The following DERA variants were observed in gnomAD, a reference collection of about 807,000 sequenced individuals.
The protein encoded by DERA is 2-deoxy-D-ribose 5-phosphate aldolase.
In DERA, 15 loss-of-function variants were observed where a neutral mutation model predicts 41.1. That is an observed-to-expected ratio of 0.37 (90% confidence interval 0.24 to 0.56). The LOEUF (loss-of-function observed/expected upper bound fraction) is 0.56, where lower values mean the gene tolerates loss of function less well. Among genes scored for constraint, DERA ranks in the 20% least tolerant of loss-of-function variants. DERA has a pLI of 0.81. For synonymous variants in DERA, 139 were observed against 137.4 expected (o/e 1.01, Z -0.08); for missense variants, 396 against 403.4 (o/e 0.98, Z 0.16).
Position 15,936,835 on chromosome 12 carries a change from C to A in DERA, c.32-20101C>A, listed in dbSNP as rs568881659. Reference sequence around the variant, plus strand: ...AGTGATGTCATTTAACTTATTTCTGCATCTTCTGTCTTGTGTTGTCTTGTC... The same window carrying A: ...AGTGATGTCATTTAACTTATTTCTGAATCTTCTGTCTTGTGTTGTCTTGTC... On this transcript the variant is annotated intron_variant, in intron 1 of 8. Transcript: ENST00000428559. This position sits in a 1 kb window ranked among gnomAD's most constrained non-coding sequence, Gnocchi z 4.6. Among the ~76,000 whole-genome samples the A allele has an allele frequency of 6.6e-6, 1 of 151,130 alleles. No individual in the cohort carries two copies. The highest frequency in any genetic ancestry group is 2.1e-4 in the South Asian group (1 of 4,750).
At chr12:15,953,041 C>G (rs1948510233) in intron 1 of DERA, among the ~76,000 whole-genome samples, 1 of 152,124 alleles carries the variant, frequency 6.6e-6, no homozygotes, top group Non-Finnish European at 1.5e-5. Flanking sequence ...TGGCCTCTAC[C>G]CACTAGATAC....
In DERA at chr12:16,021,701, A is replaced by T. The variant is rs1949018034; in HGVS notation, c.638-10841A>T. Among the ~76,000 whole-genome samples, 1 of 152,198 alleles carries T rather than the reference A, an allele frequency of 6.6e-6. No homozygotes were observed. Among genetic ancestry groups the T allele is most frequent in the Non-Finnish European group, 1.5e-5 (1 of 68,038 alleles). ...AGTGTGCCCTGGATGCAGGACATGG[A>T]GTCAAAGGAGATTATTTTGGAGCTT... On this transcript the variant is annotated intron_variant, in intron 6 of 8. Coordinates refer to ENST00000428559, the MANE Select transcript of DERA (RefSeq NM_015954.4). The surrounding 1 kb of genome is among the most constrained non-coding windows in gnomAD (Gnocchi z 5.3).
rs944113347 is a variant in DERA, at chr12:15,970,515, G to C, written c.508+7568G>C. Among the ~76,000 whole-genome samples, 1 of 152,128 alleles carries C rather than the reference G, an allele frequency of 6.6e-6. No individual in the cohort carries two copies. The highest frequency in any genetic ancestry group is 2.4e-5 in the African/African-American group (1 of 41,440). Reference sequence around the variant, plus strand: ...ATACCGTCCTTTCAGGTGGATCCTAGAGAGAAGAAAGTTAATTTTATTTAT... The same window carrying C: ...ATACCGTCCTTTCAGGTGGATCCTACAGAGAAGAAAGTTAATTTTATTTAT... On this transcript the variant is annotated intron_variant, in intron 5 of 8. Transcript: ENST00000428559. This position sits in a 1 kb window ranked among gnomAD's most constrained non-coding sequence, Gnocchi z 4.3.
intron 1 of DERA, among the ~76,000 whole-genome samples, chr12:15,945,617 A>G (rs2136138959): frequency 6.6e-6 from 1 of 152,268 alleles, no homozygotes; most frequent in Non-Finnish European, 1.5e-5. Flanking sequence ...CAGCTTAAGG[A>G]GATTTGGGGT....
At chr12:16,030,494 T>C (rs573599179) in intron 6 of DERA, among the ~76,000 whole-genome samples, 18 of 152,340 alleles carry the variant, frequency 1.2e-4, no homozygotes, top group Non-Finnish European at 1.8e-4. Flanking sequence ...TCTGTTCATC[T>C]ATGCATTTAT....
intron 7 of DERA, among the ~76,000 whole-genome samples, chr12:16,033,900 C>T (rs1335674414): frequency 2.6e-5 from 4 of 152,068 alleles, no homozygotes; most frequent in Non-Finnish European, 5.9e-5. Context: ...CATGAGAAAG[C>T]TGACCCAACT....
intron 1 of DERA, among the ~76,000 whole-genome samples, chr12:15,942,292 A>G (rs983416981): frequency 2.0e-5 from 3 of 151,740 alleles, no homozygotes; most frequent in Non-Finnish European, 4.4e-5. Flanking sequence ...GTTTGCGAAT[A>G]TTTACTCCCA....
rs1340950420 is a variant in DERA at position 16,004,947 on chromosome 12, C to T, written c.637+22511C>T. Among the ~76,000 whole-genome samples the T allele has an allele frequency of 1.3e-5, 2 of 152,060 alleles. No homozygotes were observed. ...TTTAAGAGTTAGAGTCTGTGAATAA[C>T]TAGATAAAGAAGAAACAGAGCAACT... On this transcript the variant is annotated intron_variant, in intron 6 of 8. Coordinates refer to ENST00000428559, the MANE Select transcript of DERA (RefSeq NM_015954.4). The surrounding 1 kb of genome is among the most constrained non-coding windows in gnomAD (Gnocchi z 4.2).
In DERA at chr12:15,996,106, A is replaced by G. The variant is rs553076548; in HGVS notation, c.637+13670A>G. ...TCTCTTTCAGAGTTAATGTGATTCTATGCAGAAGAGAAAATTATTTCATAT... is the reference window on the plus strand; with the variant it reads ...TCTCTTTCAGAGTTAATGTGATTCTGTGCAGAAGAGAAAATTATTTCATAT... On this transcript the variant is annotated intron_variant, in intron 6 of 8. Transcript: ENST00000428559. The surrounding 1 kb of genome is among the most constrained non-coding windows in gnomAD (Gnocchi z 4.7). Among the ~76,000 whole-genome samples the G allele has an allele frequency of 1.3e-5, 2 of 152,128 alleles. No individual in the cohort carries two copies. Among genetic ancestry groups the G allele is most frequent in the Admixed American group, 1.3e-4 (2 of 15,288 alleles).
chr12:15,954,822 A>T lies in DERA; in HGVS notation c.32-2114A>T, dbSNP rs1948525357. ...TTCAGGGGTGTCCTGTGACCGATAA[A>T]GGACAGCCTGTCAAAGCCTTGCCCC... On this transcript the variant is annotated intron_variant, in intron 1 of 8. Coordinates refer to ENST00000428559, the MANE Select transcript of DERA (RefSeq NM_015954.4). This position sits in a 1 kb window ranked among gnomAD's most constrained non-coding sequence, Gnocchi z 4.0. Among the ~76,000 whole-genome samples, 1 of 152,144 alleles carries T rather than the reference A, an allele frequency of 6.6e-6. No homozygotes were observed. Among genetic ancestry groups the T allele is most frequent in the Admixed American group, 6.5e-5 (1 of 15,280 alleles).
intron 5 of DERA, among the ~76,000 whole-genome samples, chr12:15,971,208 G>A (rs10846260): frequency 0.62 from 94,338 of 152,074 alleles, 29,647 homozygotes; most frequent in East Asian, 0.82. Context: ...GGCATCTGCC[G>A]TTGTTTTTCT....
Position 15,990,893 on chromosome 12 carries a change from TTG to T in DERA, c.637+8460_637+8461del, listed in dbSNP as rs1280927187. On this transcript the variant is annotated intron_variant, in intron 6 of 8. Coordinates refer to ENST00000428559, the MANE Select transcript of DERA (RefSeq NM_015954.4). This position sits in a 1 kb window ranked among gnomAD's most constrained non-coding sequence, Gnocchi z 4.3. ...TTACATTGATTCCATGTCTTTGCTGTTGTGAGTATTGCTGCGATGAACATATG... is the reference window on the plus strand; with the variant it reads ...TTACATTGATTCCATGTCTTTGCTGTTGAGTATTGCTGCGATGAACATATG... Among the ~76,000 whole-genome samples, 1 of 152,168 alleles carries T rather than the reference TTG, an allele frequency of 6.6e-6. No homozygotes were observed. Among genetic ancestry groups the T allele is most frequent in the African/African-American group, 2.4e-5 (1 of 41,438 alleles).
chr12:16,008,538 A>G lies in DERA; in HGVS notation c.638-24004A>G, dbSNP rs559534162. ...GATCCCCCCAGTAAACTAATGTAGG[A>G]TATATTTGGATGTCCAGGTCAGCAG... On this transcript the variant is annotated intron_variant, in intron 6 of 8. Coordinates refer to ENST00000428559, the MANE Select transcript of DERA (RefSeq NM_015954.4). The surrounding 1 kb of genome is among the most constrained non-coding windows in gnomAD (Gnocchi z 4.8). 6.6e-6 allele frequency among the ~76,000 whole-genome samples: 1 copy of G among 152,296 alleles called. No homozygotes were observed. Among genetic ancestry groups the G allele is most frequent in the Non-Finnish European group, 1.5e-5 (1 of 68,022 alleles).
At chr12:15,963,194 A>G (rs974344746) in intron 5 of DERA, among the ~76,000 whole-genome samples, 6 of 152,240 alleles carry the variant, frequency 3.9e-5, no homozygotes, top group Admixed American at 3.9e-4. Context: ...ACTTCCATGC[A>G]ATAGATTCAT....
chr12:15,923,021 T>A (rs955532883), intron 1 of DERA, among the ~76,000 whole-genome samples: 2 of 126,756 alleles, frequency 1.6e-5, no homozygotes, highest in Non-Finnish European at 3.1e-5. Flanking sequence ...TTTTTGCTTT[T>A]TTTTTTTTTT....
chr12:15,952,856 T>C (rs1948509010), intron 1 of DERA, among the ~76,000 whole-genome samples: 1 of 152,244 alleles, frequency 6.6e-6, no homozygotes, highest in Non-Finnish European at 1.5e-5. Context: ...TTCAGTCACA[T>C]TTAGCCAACC....
At position 15,941,625 on chromosome 12, in the gene DERA, G is replaced by A. The variant is rs138017174; in HGVS notation, c.32-15311G>A. 3.5e-3 allele frequency among the ~76,000 whole-genome samples: 537 copies of A among 152,318 alleles called. 3 individuals carry two copies. Among genetic ancestry groups the A allele is most frequent in the African/African-American group, 0.012 (512 of 41,574 alleles). ...CCACTTATAAGTGAGATCATAGGAT[G>A]TTTGGTTTTCCATTCCTGAGTTACT... On this transcript the variant is annotated intron_variant, in intron 1 of 8. Transcript: ENST00000428559. This position sits in a 1 kb window ranked among gnomAD's most constrained non-coding sequence, Gnocchi z 4.5.
At chr12:15,912,229 A>G (rs1948169740) in intron 1 of DERA, among the ~76,000 whole-genome samples, 1 of 152,000 alleles carries the variant, frequency 6.6e-6, no homozygotes, top group African/African-American at 2.4e-5. Context: ...CTTAACGAGC[A>G]TGCTGCCTTC....
In DERA at chr12:15,928,200, C is replaced by G. The variant is rs1948301711; in HGVS notation, c.31+16786C>G. On this transcript the variant is annotated intron_variant, in intron 1 of 8. Transcript: ENST00000428559. The surrounding 1 kb of genome is among the most constrained non-coding windows in gnomAD (Gnocchi z 4.6). ...CATACATGAGTATTAACTGTAGCTACCATGCTGTGCAGTAGATCTCAAAGA... is the reference window on the plus strand; with the variant it reads ...CATACATGAGTATTAACTGTAGCTAGCATGCTGTGCAGTAGATCTCAAAGA... 6.6e-6 allele frequency among the ~76,000 whole-genome samples: 1 copy of G among 152,126 alleles called. No individual in the cohort carries two copies. Among genetic ancestry groups the G allele is most frequent in the Non-Finnish European group, 1.5e-5 (1 of 68,022 alleles).
Sources: gnomAD v4.1 joint callset for allele counts (sites outside exome capture counted in the v4.1 genomes callset) on GRCh38, gnomAD v4.1.1 for gene constraint, Gnocchi (gnomAD v3.1) non-coding constraint, MANE v1.5 for transcripts, NCBI Gene and HGNC (gene_info 2026-07-23, HGNC 2026-07-21) for gene names.